Variants in OSBPL1A observed in about 807,000 individuals in gnomAD.
The protein encoded by OSBPL1A is oxysterol binding protein like 1A, also known as oxysterol-binding protein-related protein 1.
A neutral mutation model predicts 137.1 loss-of-function variants in OSBPL1A; 80 were observed. The observed-to-expected ratio is 0.58, with a 90% confidence interval of 0.49 to 0.70. The LOEUF (loss-of-function observed/expected upper bound fraction) is 0.70, where lower values mean the gene tolerates loss of function less well. Among genes scored for constraint, OSBPL1A ranks in the 30% least tolerant of loss-of-function variants. The pLI, the probability that OSBPL1A is intolerant of heterozygous loss-of-function variation, is 0.00. For synonymous variants in OSBPL1A, 365 were observed against 389.7 expected (o/e 0.94, Z 0.75); for missense variants, 970 against 1,129.4 (o/e 0.86, Z 2.02).
intron 7 of OSBPL1A, among the ~76,000 whole-genome samples, chr18:24,327,111 CT>C (rs68045251): frequency 8.6e-4 from 118 of 136,942 alleles, no homozygotes; most frequent in East Asian, 3.2e-3. Context: ...TTTCTTTTTT[CT>C]TTTTTTTTTT....
intron 15 of OSBPL1A, among the ~76,000 whole-genome samples, chr18:24,255,851 A>T (rs1400820634): frequency 6.6e-6 from 1 of 151,386 alleles, no homozygotes; most frequent in South Asian, 2.1e-4. Context: ...CTGCCTCCCA[A>T]GTAGTTGGGA....
intron 5 of OSBPL1A, among the ~76,000 whole-genome samples, chr18:24,340,082 A>G (rs2091248362): frequency 6.6e-6 from 1 of 152,196 alleles, no homozygotes; most frequent in Non-Finnish European, 1.5e-5. Flanking sequence ...TTGCAACTCT[A>G]ATTCAGTACC....
chr18:24,206,154 G>T (rs1054883240), intron 17 of OSBPL1A, among the ~76,000 whole-genome samples: 2 of 152,232 alleles, frequency 1.3e-5, no homozygotes, highest in Admixed American at 6.5e-5. Flanking sequence ...GCCTCCCAAA[G>T]TGCTGGGATT....
intron 18 of OSBPL1A, among the ~76,000 whole-genome samples, chr18:24,190,867 A>G (rs1380732941): frequency 2.0e-5 from 3 of 152,234 alleles, no homozygotes; most frequent in Admixed American, 1.3e-4. Flanking sequence ...ACTCTGACCC[A>G]GTGATATGTC....
At chr18:24,318,479 C>T (rs746687708) in intron 9 of OSBPL1A, 122 bp downstream of exon 9, 82 of 830,720 alleles carry the variant, frequency 9.9e-5, no homozygotes, top group Non-Finnish European at 1.3e-4. Context: ...TTACATTATA[C>T]GATCCAAGAG....
At chr18:24,226,060 T>C (rs968189032) in intron 16 of OSBPL1A, among the ~76,000 whole-genome samples, 2 of 152,128 alleles carry the variant, frequency 1.3e-5, no homozygotes, top group East Asian at 1.9e-4. Context: ...AGCAACCCTA[T>C]AGTAATTGTC....
At chr18:24,342,217 T>A (rs1293194504) in intron 4 of OSBPL1A, among the ~76,000 whole-genome samples, 1 of 152,198 alleles carries the variant, frequency 6.6e-6, no homozygotes, top group African/African-American at 2.4e-5. Flanking sequence ...GGAGTCAATA[T>A]TCAACAATAG....
At chr18:24,249,712 C>T (rs2089014612) in intron 15 of OSBPL1A, among the ~76,000 whole-genome samples, 1 of 152,176 alleles carries the variant, frequency 6.6e-6, no homozygotes, top group Admixed American at 6.5e-5. Flanking sequence ...AGCATTTGGA[C>T]CAGCCCTAGC....
chr18:24,363,425 CTTCT>C (rs918660104), intron 4 of OSBPL1A, among the ~76,000 whole-genome samples: 5 of 150,868 alleles, frequency 3.3e-5, no homozygotes, highest in East Asian at 1.9e-4. Flanking sequence ...TCTTATTACA[CTTCT>C]TTCTTTTTCT....
intron 18 of OSBPL1A, 83 bp downstream of exon 18, chr18:24,196,042 A>T: frequency 8.9e-7 from 1 of 1,121,886 alleles, no homozygotes; most frequent in Non-Finnish European, 1.3e-6. Context: ...GCACCACTTT[A>T]ATGCAAACTT....
chr18:24,198,408 T>C (rs2087101663), intron 17 of OSBPL1A, among the ~76,000 whole-genome samples: 1 of 152,158 alleles, frequency 6.6e-6, no homozygotes, highest in South Asian at 2.1e-4. Flanking sequence ...TGCACAAAAC[T>C]TTCTGTGATT....
rs999021164 is a variant in OSBPL1A, at chr18:24,332,887, G to T, written c.625+55C>A. On this transcript the variant is annotated intron_variant, in intron 7 of 27. Coordinates refer to ENST00000319481, the MANE Select transcript of OSBPL1A (RefSeq NM_080597.4). ...AAACAAAACAATTTTATATGGCATTGACTTCATTTTATAATTTCAAAATGG... is the reference window on the plus strand; with the variant it reads ...AAACAAAACAATTTTATATGGCATTTACTTCATTTTATAATTTCAAAATGG... 11 of 1,589,316 alleles carry T rather than the reference G, an allele frequency of 6.9e-6. No individual in the cohort carries two copies. In the Admixed American group the frequency reaches 1.2e-4, roughly 17 times the overall value.
intron 18 of OSBPL1A, among the ~76,000 whole-genome samples, chr18:24,182,646 A>G (rs2086637262): frequency 6.6e-6 from 1 of 152,192 alleles, no homozygotes; most frequent in Non-Finnish European, 1.5e-5. Context: ...ACTGCAGAAA[A>G]CAGACATGTA....
At chr18:24,263,118 T>G (rs2089481370) in intron 15 of OSBPL1A, among the ~76,000 whole-genome samples, 1 of 152,220 alleles carries the variant, frequency 6.6e-6, no homozygotes, top group Non-Finnish European at 1.5e-5. Context: ...TTTTTAGAAT[T>G]TTGATATTTT....
chr18:24,166,520 C>T (rs552597398), intron 26 of OSBPL1A, 59 bp downstream of exon 26: 2 of 1,557,460 alleles, frequency 1.3e-6, no homozygotes, highest in South Asian at 2.5e-5. Flanking sequence ...CAGGAATAAA[C>T]AAAGCATCAT....
At chr18:24,356,330 A>G (rs887842245) in intron 4 of OSBPL1A, among the ~76,000 whole-genome samples, 4 of 152,324 alleles carry the variant, frequency 2.6e-5, no homozygotes, top group Middle Eastern at 3.4e-3. Context: ...TCCCCCGACC[A>G]TTCCCAAAGG....
chr18:24,275,728 C>CT (rs11290304), intron 15 of OSBPL1A, among the ~76,000 whole-genome samples: 16,210 of 142,938 alleles, frequency 0.11, 979 homozygotes, highest in Middle Eastern at 0.15. Flanking sequence ...GTCCCACTCT[C>CT]TTTTTTTTTT....
At chr18:24,201,494 G>A (rs148370955) in intron 17 of OSBPL1A, among the ~76,000 whole-genome samples, 218 of 152,330 alleles carry the variant, frequency 1.4e-3, no homozygotes, top group African/African-American at 5.1e-3. Context: ...CCGGCACAGT[G>A]GCTCATGCCT....
At chr18:24,221,910 G>A (rs1332016608) in intron 17 of OSBPL1A, among the ~76,000 whole-genome samples, 7 of 152,042 alleles carry the variant, frequency 4.6e-5, no homozygotes, top group Non-Finnish European at 8.8e-5. Flanking sequence ...AATGGTCCAC[G>A]GAAATTTAAT....
Sources: gnomAD v4.1 joint callset for allele counts (sites outside exome capture counted in the v4.1 genomes callset) on GRCh38, gnomAD v4.1.1 for gene constraint, MANE v1.5 for transcripts, NCBI Gene and HGNC (gene_info 2026-07-23, HGNC 2026-07-21) for gene names.